Variants in CADPS2 observed in about 807,000 individuals in gnomAD.
CADPS2 encodes the protein calcium dependent secretion activator 2, also known as calcium-dependent secretion activator 2.
CADPS2 carries 93 observed loss-of-function variants against 172.5 expected under a neutral mutation model. The ratio of observed to expected loss-of-function variants is 0.54; its 90% CI spans 0.46 to 0.64. The LOEUF is 0.64. Ranked by LOEUF, CADPS2 falls within the 30% of genes least tolerant of loss-of-function variation. The probability of loss-of-function intolerance (pLI) is 0.00; values close to 1 mark genes in which losing one functional copy is unlikely to be tolerated. For missense variants in CADPS2, 1,420 were observed against 1,565.9 expected, an observed-to-expected ratio of 0.91 and a Z score of 1.57; for synonymous variants, 546 against 555.2, an observed-to-expected ratio of 0.98 and a Z score of 0.23.
At chr7:122,718,881 A>C (rs1306530845) in intron 2 of CADPS2, among the ~76,000 whole-genome samples, 1 of 152,156 alleles carries the variant, frequency 6.6e-6, no homozygotes, top group Non-Finnish European at 1.5e-5. Flanking sequence ...ATCAATGGTC[A>C]TGGTGGACTC....
At chr7:122,645,210 A>G (rs892719483) in intron 3 of CADPS2, among the ~76,000 whole-genome samples, 10 of 125,518 alleles carry the variant, frequency 8.0e-5, no homozygotes, top group African/African-American at 2.6e-4. Context: ...ATGTATATAC[A>G]TAAGTATATA....
At chr7:122,825,348 AG>A (rs1405893055) in intron 1 of CADPS2, among the ~76,000 whole-genome samples, 38 of 152,334 alleles carry the variant, frequency 2.5e-4, no homozygotes, top group African/African-American at 8.9e-4. Context: ...CAAGGCAATG[AG>A]GAAAAGCTCT....
At chr7:122,744,456 GA>G (rs2092634100) in intron 1 of CADPS2, among the ~76,000 whole-genome samples, 1 of 152,102 alleles carries the variant, frequency 6.6e-6, no homozygotes, top group African/African-American at 2.4e-5. Flanking sequence ...TTTTTTGTAA[GA>G]AATGTTCATC....
chr7:122,800,991 C>CAA (rs34506571), intron 1 of CADPS2, among the ~76,000 whole-genome samples: 22 of 63,028 alleles, frequency 3.5e-4, no homozygotes, highest in South Asian at 1.0e-3. Context: ...GACTCTGCCT[C>CAA]AAAAAAAAAA....
At chr7:122,533,939 G>A (rs1276882111) in intron 8 of CADPS2, among the ~76,000 whole-genome samples, 5 of 152,168 alleles carry the variant, frequency 3.3e-5, no homozygotes, top group East Asian at 3.9e-4. Flanking sequence ...ATGAGAGAAC[G>A]TCCAAGATTT....
At chr7:122,760,754 T>C (rs2402621) in intron 1 of CADPS2, among the ~76,000 whole-genome samples, 29,648 of 141,118 alleles carry the variant, frequency 0.21, 3,092 homozygotes, top group Middle Eastern at 0.33. Flanking sequence ...TAGGTGGGAA[T>C]TGAACAATGA....
At chr7:122,513,164 T>C in intron 9 of CADPS2, 85 bp downstream of exon 9, 1 of 867,834 alleles carries the variant, frequency 1.2e-6, no homozygotes, top group Middle Eastern at 2.7e-4. Flanking sequence ...TCTAAAACAG[T>C]AAATTTTGAT....
chr7:122,338,423 T>C lies in CADPS2; in HGVS notation c.3612+7151A>G, dbSNP rs181591726. ...AAAAACAAACAAACAAACAAACAAA[T>C]AAATAAATAAGTAACCTCAAACAGC... On this transcript the variant is annotated intron_variant, in intron 28 of 29. Coordinates refer to ENST00000449022, the MANE Select transcript of CADPS2 (RefSeq NM_017954.11). Among the ~76,000 whole-genome samples, 1,290 of 150,254 alleles carry C rather than the reference T, an allele frequency of 8.6e-3. 13 individuals carry two copies. The highest frequency in any genetic ancestry group is 0.057 in the Middle Eastern group (16 of 282).
chr7:122,765,974 G>A (rs1416715273), intron 1 of CADPS2, among the ~76,000 whole-genome samples: 1 of 152,016 alleles, frequency 6.6e-6, no homozygotes, highest in Admixed American at 6.6e-5. Context: ...CCTGACACTG[G>A]GTAATACATA....
At chr7:122,562,067 C>G (rs938993621) in intron 7 of CADPS2, among the ~76,000 whole-genome samples, 3 of 152,170 alleles carry the variant, frequency 2.0e-5, no homozygotes, top group East Asian at 3.9e-4. Flanking sequence ...ATTAATTCTA[C>G]AGTGTGTTGT....
chr7:122,827,449 A>G (rs3123477), intron 1 of CADPS2, among the ~76,000 whole-genome samples: 36,969 of 88,410 alleles, frequency 0.42, 6,409 homozygotes, highest in African/African-American at 0.63. Flanking sequence ...CCTGACCAAC[A>G]TGGAGAAACA....
chr7:122,402,741 CTAAATA>C (rs2046117415), intron 20 of CADPS2, among the ~76,000 whole-genome samples: 1 of 152,100 alleles, frequency 6.6e-6, no homozygotes, highest in Non-Finnish European at 1.5e-5. Flanking sequence ...GTTTAAAAAT[CTAAATA>C]TAATTAGCAG....
At chr7:122,332,344 T>TCCTTGG (rs1465996143) in intron 28 of CADPS2, among the ~76,000 whole-genome samples, 4 of 151,930 alleles carry the variant, frequency 2.6e-5, no homozygotes, top group Admixed American at 1.3e-4. Flanking sequence ...GGAAAGACGA[T>TCCTTGG]CCTTGGTTCT....
chr7:122,525,357 C>A (rs2061142634), intron 8 of CADPS2, among the ~76,000 whole-genome samples: 1 of 152,016 alleles, frequency 6.6e-6, no homozygotes, highest in Non-Finnish European at 1.5e-5. Flanking sequence ...ACCTAAATTC[C>A]TCCTAACACT....
chr7:122,594,394 C>G (rs190556094), intron 6 of CADPS2, among the ~76,000 whole-genome samples: 101 of 152,072 alleles, frequency 6.6e-4, no homozygotes, highest in African/African-American at 2.4e-3. Flanking sequence ...AAAAATCCTG[C>G]AAGCTTTATC....
chr7:122,728,243 A>G (rs1017806745), intron 2 of CADPS2, among the ~76,000 whole-genome samples: 1 of 151,942 alleles, frequency 6.6e-6, no homozygotes, highest in African/African-American at 2.4e-5. Context: ...GCAATGCAGT[A>G]TATCTATCAA....
intron 17 of CADPS2, chr7:122,424,276 T>C (rs537610384): frequency 2.2e-6 from 2 of 923,252 alleles, no homozygotes; most frequent in East Asian, 1.2e-4. Flanking sequence ...GCTAATAATA[T>C]AGTGCTTTGG....
chr7:122,737,813 T>C (rs185838804), intron 1 of CADPS2, among the ~76,000 whole-genome samples: 9 of 152,134 alleles, frequency 5.9e-5, no homozygotes, highest in Admixed American at 5.9e-4. Context: ...AGCTTAGAGA[T>C]GAGGGAGGGA....
chr7:122,454,459 C>A (rs533256382), intron 14 of CADPS2, among the ~76,000 whole-genome samples: 264 of 152,170 alleles, frequency 1.7e-3, no homozygotes, highest in African/African-American at 5.8e-3. Flanking sequence ...TAATAACGAG[C>A]AATAGAAACC....
Sources: gnomAD v4.1 joint callset for allele counts (sites outside exome capture counted in the v4.1 genomes callset) on GRCh38, gnomAD v4.1.1 for gene constraint, MANE v1.5 for transcripts, NCBI Gene and HGNC (gene_info 2026-07-23, HGNC 2026-07-21) for gene names.